Variants in ASCC3 observed in about 807,000 individuals in gnomAD.
ASCC3 encodes ASC-1 complex subunit P200.
A neutral mutation model predicts 256.3 loss-of-function variants in ASCC3; 158 were observed. That is an observed-to-expected ratio of 0.62 (90% CI 0.54 to 0.70). The LOEUF (loss-of-function observed/expected upper bound fraction) is 0.70. ASCC3 is among the 30% of genes least tolerant of loss of function. The pLI, the probability that ASCC3 is intolerant of heterozygous loss-of-function variation, is 0.00. For synonymous variants in ASCC3, 948 were observed against 883.4 expected (o/e 1.07, Z -1.30); for missense variants, 2,259 against 2,626.0 (o/e 0.86, Z 3.05).
Position 100,638,941 on chromosome 6 carries a change from A to T in ASCC3, c.3902-120T>A. On this transcript the variant is annotated intron_variant, in intron 24 of 41. Coordinates refer to ENST00000369162, the MANE Select transcript of ASCC3 (RefSeq NM_006828.4). The stretch of plus-strand genomic sequence containing the variant: ...TTCCTTAGACAAGGAGAAAAAACAC[A>T]AACTCTTATATACCCATTACAGATC... 3 of 817,138 alleles carry T rather than the reference A, an allele frequency of 3.7e-6. No homozygotes were observed. The Admixed American group carries it at 6.0e-5, about 16-fold the overall frequency. 50.6% of individuals were successfully genotyped at this position (817,138 alleles called of 1,614,324 possible).
In ASCC3 at chr6:100,580,089, T is replaced by C. The variant is rs117585202; in HGVS notation, c.5550+9545A>G. 4.1e-3 allele frequency among the ~76,000 whole-genome samples: 629 copies of C among 152,272 alleles called. 13 individuals carry two copies. In the East Asian group the frequency reaches 0.058, roughly 14 times the overall value. On this transcript the variant is annotated intron_variant, in intron 36 of 41. Coordinates refer to ENST00000369162, the MANE Select transcript of ASCC3 (RefSeq NM_006828.4). Reference sequence around the variant, plus strand: ...AGGTATTTTATTCTTTTTGTTGCTATTGTGAATGGGATTGCATTCTTGACT... The same window carrying C: ...AGGTATTTTATTCTTTTTGTTGCTACTGTGAATGGGATTGCATTCTTGACT...
intron 10 of ASCC3, among the ~76,000 whole-genome samples, chr6:100,732,165 CAAAA>C (rs386408063): frequency 4.8e-5 from 5 of 105,122 alleles, no homozygotes; most frequent in African/African-American, 1.1e-4. Flanking sequence ...CGTCTCAAAA[CAAAA>C]AAAAAAAAAA....
At chr6:100,875,423 T>C (rs934161078) in intron 1 of ASCC3, among the ~76,000 whole-genome samples, 6 of 152,240 alleles carry the variant, frequency 3.9e-5, no homozygotes, top group African/African-American at 1.4e-4. Context: ...ATCAGAGGTC[T>C]GGGCTGGAAA....
At chr6:100,617,616 T>C (rs1208665789) in intron 30 of ASCC3, among the ~76,000 whole-genome samples, 2 of 152,226 alleles carry the variant, frequency 1.3e-5, no homozygotes, top group Non-Finnish European at 1.5e-5. Context: ...CACATGTCAC[T>C]GACTGCCAAG....
intron 17 of ASCC3, among the ~76,000 whole-genome samples, chr6:100,653,829 T>C (rs1272858439): frequency 1.3e-5 from 2 of 152,070 alleles, no homozygotes; most frequent in African/African-American, 4.8e-5. Flanking sequence ...CTTGTTACTA[T>C]AGTATTGTGT....
At chr6:100,879,607 C>A (rs967482347) in intron 1 of ASCC3, among the ~76,000 whole-genome samples, 5 of 152,218 alleles carry the variant, frequency 3.3e-5, no homozygotes, top group Admixed American at 1.3e-4. Context: ...GGAGATCAAT[C>A]AGACCAAAGT....
At chr6:100,559,259 A>C (rs1397304287) in intron 36 of ASCC3, among the ~76,000 whole-genome samples, 1 of 152,162 alleles carries the variant, frequency 6.6e-6, no homozygotes, top group Non-Finnish European at 1.5e-5. Context: ...TAGTCAAACA[A>C]GATTTTTTAC....
At chr6:100,575,784 C>T (rs185693528) in intron 36 of ASCC3, among the ~76,000 whole-genome samples, 146 of 151,970 alleles carry the variant, frequency 9.6e-4, no homozygotes, top group Non-Finnish European at 1.6e-3. Context: ...TCAAAATTGT[C>T]AATATTATAG....
chr6:100,637,829 C>T (rs1774920156), intron 25 of ASCC3, among the ~76,000 whole-genome samples: 1 of 152,118 alleles, frequency 6.6e-6, no homozygotes, highest in Non-Finnish European at 1.5e-5. Flanking sequence ...TTGTTACAAT[C>T]TCATGATTAA....
rs754635420 is a variant in ASCC3 at position 100,800,501 on chromosome 6, T to G, written c.926A>C (p.Asn309Thr). Reference protein sequence around the residue: ...NDHRFQALQDNCKKILGENAK... With the variant: ...NDHRFQALQDTCKKILGENAK... ...ATTTTCTCCTAAAATTTTTTTACAATTGTCTAAGAAGCAAATTTAAGAAAC... is the reference window on the plus strand; with the variant it reads ...ATTTTCTCCTAAAATTTTTTTACAAGTGTCTAAGAAGCAAATTTAAGAAAC... Residue 309 changes from asparagine (N) to threonine (T), a missense_variant, in exon 6 of 42, where the codon AAT (asparagine) becomes ACT (threonine). Transcript: ENST00000369162. The G allele has an allele frequency of 2.1e-5, 33 of 1,602,202 alleles. No homozygotes were observed. The highest frequency in any genetic ancestry group is 2.8e-5 in the Non-Finnish European group (33 of 1,172,258).
chr6:100,697,704 A>G (rs1362521654), intron 13 of ASCC3, among the ~76,000 whole-genome samples: 1 of 152,088 alleles, frequency 6.6e-6, no homozygotes, highest in Non-Finnish European at 1.5e-5. Flanking sequence ...TTACATACCT[A>G]GGATATCCAA....
At chr6:100,833,689 G>A (rs1771732461) in intron 4 of ASCC3, among the ~76,000 whole-genome samples, 1 of 152,154 alleles carries the variant, frequency 6.6e-6, no homozygotes, top group Non-Finnish European at 1.5e-5. Context: ...TATTATCGAT[G>A]AAAATGATTA....
chr6:100,509,753 T>TGGCG (rs1178821909), intron 41 of ASCC3, among the ~76,000 whole-genome samples, 179 bp downstream of exon 41: 1 of 151,884 alleles, frequency 6.6e-6, no homozygotes, highest in Non-Finnish European at 1.5e-5. Context: ...CCGGGCGCAG[T>TGGCG]GGCGGGCGCC....
chr6:100,648,213 A>G (rs1449288629), intron 20 of ASCC3, among the ~76,000 whole-genome samples: 1 of 152,036 alleles, frequency 6.6e-6, no homozygotes, highest in African/African-American at 2.4e-5. Flanking sequence ...AGACATATAG[A>G]AAGTTATAAT....
At chr6:100,744,225 G>C (rs187980819) in intron 10 of ASCC3, among the ~76,000 whole-genome samples, 190 of 152,132 alleles carry the variant, frequency 1.2e-3, no homozygotes, top group Admixed American at 3.5e-3. Flanking sequence ...TTATCAAGTA[G>C]CTTAAATTTA....
rs1431918253 is a variant in ASCC3 at position 100,589,720 on chromosome 6, A to T, written c.5464T>A (p.Tyr1822Asn). ...TTAACTGTTTGATGCTTCAAATAGT[A>T]ATAGGAGGCAATTCGGCCATAAGTT... is the stretch of plus-strand genomic sequence containing the variant. ...PLTYGRIASY[Y>N]YLKHQTVKMF... The change falls in exon 36 of 42, where the codon TAC (tyrosine) becomes AAC (asparagine). Residue 1822 changes from tyrosine to asparagine, a missense_variant. Physicochemically the swap from Tyr to Asn is moderately radical, Grantham distance 143. Coordinates refer to ENST00000369162, the MANE Select transcript of ASCC3 (RefSeq NM_006828.4). 6.2e-7 allele frequency: 1 copy of T among 1,613,708 alleles called. No homozygotes were observed. The highest frequency in any genetic ancestry group is 1.3e-5 in the African/African-American group (1 of 74,930).
chr6:100,619,652 C>G (rs1385941865), intron 30 of ASCC3, among the ~76,000 whole-genome samples: 2 of 152,032 alleles, frequency 1.3e-5, no homozygotes, highest in Admixed American at 6.6e-5. Flanking sequence ...CTATTTGGCC[C>G]CCTGGCTAGT....
intron 11 of ASCC3, among the ~76,000 whole-genome samples, chr6:100,722,387 T>G (rs1262074555): frequency 6.6e-6 from 1 of 151,712 alleles, no homozygotes; most frequent in Non-Finnish European, 1.5e-5. Flanking sequence ...CATCCAAACT[T>G]CAGCATCATG....
chr6:100,792,734 G>A (rs1292145249), intron 8 of ASCC3, among the ~76,000 whole-genome samples: 1 of 151,788 alleles, frequency 6.6e-6, no homozygotes, highest in Non-Finnish European at 1.5e-5. Context: ...TATTCAGCAT[G>A]TCCTAAACAA....
Sources: gnomAD v4.1 joint callset for allele counts (sites outside exome capture counted in the v4.1 genomes callset) on GRCh38, gnomAD v4.1.1 for gene constraint, MANE v1.5 for transcripts, NCBI Gene and HGNC (gene_info 2026-07-23, HGNC 2026-07-21) for gene names.